ITGA8: variants seen among roughly 807,000 people sequenced by gnomAD.
The protein encoded by ITGA8 is integrin subunit alpha 8, also known as integrin alpha-8.
In ITGA8, 91 loss-of-function variants were observed where a neutral mutation model predicts 142.3. The ratio of observed to expected loss-of-function variants is 0.64; its 90% CI spans 0.54 to 0.76. The LOEUF (loss-of-function observed/expected upper bound fraction) is 0.76. Ranked by LOEUF, ITGA8 falls within the 30% of genes least tolerant of loss-of-function variation. The pLI is 0.00. For missense variants in ITGA8, 1,406 were observed against 1,327.7 expected (o/e 1.06, Z -0.92); for synonymous variants, 505 against 485.2 (o/e 1.04, Z -0.54).
chr10:15,586,722 A>C (rs375115538), intron 22 of ITGA8, 58 bp from the exon 23 acceptor site: 3 of 998,352 alleles, frequency 3.0e-6, no homozygotes, highest in Non-Finnish European at 4.8e-6. Context: ...ATTACAATAT[A>C]TGATCATAAA....
chr10:15,550,889 G>T (rs879682117), intron 26 of ITGA8, among the ~76,000 whole-genome samples: 3 of 152,050 alleles, frequency 2.0e-5, no homozygotes, highest in African/African-American at 7.3e-5. Flanking sequence ...ATAGGGGCCC[G>T]TTGCAAGAGC....
chr10:15,719,684 ACATCC>A lies in ITGA8; in HGVS notation c.83_87del (p.Gly28ValfsTer83), dbSNP rs1564424100. The A allele has an allele frequency of 6.7e-6, 10 of 1,484,244 alleles. No homozygotes were observed. Among genetic ancestry groups the A allele is most frequent in the Non-Finnish European group, 8.9e-6 (10 of 1,127,350 alleles). 91.9% of individuals were successfully genotyped at this position (1,484,244 alleles called of 1,614,324 possible). A position where few individuals can be genotyped will look rare whatever the true frequency, so the allele number is the denominator to read the frequency against. The stretch of plus-strand genomic sequence containing the variant: ...GCCTGACAGGCGGGGGACCACAGCA[ACATCC>A]CCAGCGCGGCCGCGGCGCAGCAGAG... On this transcript the variant is annotated frameshift_variant, in exon 1 of 30. Transcript: ENST00000378076. LOFTEE classifies it high-confidence loss of function.
intron 20 of ITGA8, among the ~76,000 whole-genome samples, chr10:15,603,590 A>T (rs1334056738): frequency 2.6e-5 from 4 of 152,230 alleles, no homozygotes; most frequent in Non-Finnish European, 5.9e-5. Flanking sequence ...TTGAATGGGA[A>T]GATTCATGTT....
rs1338607474 is a variant in ITGA8 at position 15,575,547 on chromosome 10, G to A, written c.2420C>T (p.Pro807Leu). The change falls in exon 24 of 30, where the codon CCA (proline) becomes CTA (leucine). Residue 807 changes from proline to leucine, a missense_variant. Transcript: ENST00000378076. Reference protein sequence around the residue: ...QIVLPIHNWEPEEEPHKEEEV... With the variant: ...QIVLPIHNWELEEEPHKEEEV... ...CTCCTCTTTGTGGGGCTCCTCTTCT[G>A]GTTCCCAGTTATGAATGGGCAGAAC... 1 of 1,613,894 alleles carries A rather than the reference G, an allele frequency of 6.2e-7. No homozygotes were observed. Among genetic ancestry groups the A allele is most frequent in the East Asian group, 2.2e-5 (1 of 44,892 alleles).
intron 23 of ITGA8, 61 bp from the exon 24 acceptor site, chr10:15,575,655 G>T (rs1267370033): frequency 3.1e-6 from 4 of 1,293,180 alleles, no homozygotes; most frequent in Non-Finnish European, 4.5e-6. Context: ...TGTTTTACTA[G>T]TGGACAGTAT....
rs1295137983 is a variant in ITGA8, at chr10:15,515,812, G to A, written c.*1346C>T. On this transcript the variant is annotated 3_prime_UTR_variant, in exon 30 of 30. Transcript: ENST00000378076. ...ACAAGATTATGAATTATTTACAAGA[G>A]TTTTAAACATAAAAAATTTGTGATG... 1 of 152,008 alleles carries A rather than the reference G, an allele frequency of 6.6e-6. No homozygotes were observed. Among genetic ancestry groups the A allele is most frequent in the Non-Finnish European group, 1.5e-5 (1 of 68,004 alleles). The allele number at this position is 152,008 out of a possible 1,614,324, so 9.4% of individuals were successfully genotyped here.
chr10:15,679,336 G>A (rs1262264956), intron 4 of ITGA8, among the ~76,000 whole-genome samples: 1 of 152,120 alleles, frequency 6.6e-6, no homozygotes, highest in East Asian at 1.9e-4. Context: ...TGTAATCCCA[G>A]CACTTTGGGA....
rs1163680612 is a variant in ITGA8, at chr10:15,616,498, A to G, written c.1445+16T>C. ...GAAACAATGAGAAAAACATTTGAATACTACCAACCACATACCTGTAAACAG... is the reference window on the plus strand; with the variant it reads ...GAAACAATGAGAAAAACATTTGAATGCTACCAACCACATACCTGTAAACAG... On this transcript the variant is annotated intron_variant, in intron 14 of 29. Coordinates refer to ENST00000378076, the MANE Select transcript of ITGA8 (RefSeq NM_003638.3). 2 of 1,588,062 alleles carry G rather than the reference A, an allele frequency of 1.3e-6. No individual in the cohort carries two copies. Among genetic ancestry groups the G allele is most frequent in the Non-Finnish European group, 1.7e-6 (2 of 1,157,572 alleles).
chr10:15,519,665 G>A lies in ITGA8; in HGVS notation c.2983-253C>T, dbSNP rs1035148549. 2.0e-5 allele frequency among the ~76,000 whole-genome samples: 3 copies of A among 152,076 alleles called. No individual in the cohort carries two copies. The East Asian group carries it at 5.8e-4, about 29-fold the overall frequency. ...GTGGCTTTGCATCACAGAAACCCTA[G>A]AATAGAATTGAGTGCATCAGGAATT... On this transcript the variant is annotated intron_variant, in intron 28 of 29. Transcript: ENST00000378076.
chr10:15,627,519 G>A (rs564896667), intron 13 of ITGA8, among the ~76,000 whole-genome samples: 1 of 152,126 alleles, frequency 6.6e-6, no homozygotes, highest in Non-Finnish European at 1.5e-5. Context: ...AATCTAAAAG[G>A]GTTGGCATAT....
intron 28 of ITGA8, among the ~76,000 whole-genome samples, chr10:15,522,439 C>T (rs1833089202): frequency 2.0e-5 from 3 of 152,108 alleles, no homozygotes; most frequent in Admixed American, 6.5e-5. Context: ...TGGACTCACA[C>T]AGTTTTGATA....
chr10:15,586,523 A>T, intron 23 of ITGA8, 61 bp downstream of exon 23: 1 of 938,814 alleles, frequency 1.1e-6, no homozygotes, highest in Non-Finnish European at 1.7e-6. Flanking sequence ...CATTTTCACT[A>T]GTATTTTATC....
chr10:15,566,192 T>C (rs2131576774), intron 25 of ITGA8, among the ~76,000 whole-genome samples: 1 of 152,254 alleles, frequency 6.6e-6, no homozygotes, highest in African/African-American at 2.4e-5. Context: ...TATCTGGTTG[T>C]AATTTGGACT....
intron 28 of ITGA8, among the ~76,000 whole-genome samples, chr10:15,521,831 A>G (rs1171795891): frequency 1.3e-5 from 2 of 152,224 alleles, no homozygotes; most frequent in Non-Finnish European, 2.9e-5. Context: ...GCTGCAGCCT[A>G]AGTAATTTAT....
At chr10:15,558,345 T>C in intron 25 of ITGA8, 143 bp from the exon 26 acceptor site, 1 of 882,970 alleles carries the variant, frequency 1.1e-6, no homozygotes, top group Non-Finnish European at 1.7e-6. Flanking sequence ...ACCAGCAGTG[T>C]GTTTAACAGT....
At chr10:15,645,332 T>G (rs1833960999) in intron 12 of ITGA8, among the ~76,000 whole-genome samples, 1 of 152,114 alleles carries the variant, frequency 6.6e-6, no homozygotes, top group South Asian at 2.1e-4. Flanking sequence ...TTATGTCATT[T>G]AGAATGCTTC....
chr10:15,562,180 G>C (rs1833996811), intron 25 of ITGA8, among the ~76,000 whole-genome samples: 1 of 152,210 alleles, frequency 6.6e-6, no homozygotes, highest in Non-Finnish European at 1.5e-5. Flanking sequence ...AGGGGTTTGG[G>C]ATGGGGAAAT....
At chr10:15,618,916 C>T (rs1415327214) in intron 13 of ITGA8, among the ~76,000 whole-genome samples, 1 of 152,170 alleles carries the variant, frequency 6.6e-6, no homozygotes, top group Non-Finnish European at 1.5e-5. Flanking sequence ...CTAGAGAACC[C>T]TGACTGATAC....
intron 26 of ITGA8, among the ~76,000 whole-genome samples, chr10:15,552,709 G>A (rs186112473): frequency 1.0e-3 from 157 of 152,152 alleles, no homozygotes; most frequent in Non-Finnish European, 1.8e-3. Context: ...GGCAGGCCCC[G>A]GTGTGTGATG....
Sources: gnomAD v4.1 joint callset for allele counts (sites outside exome capture counted in the v4.1 genomes callset) on GRCh38, gnomAD v4.1.1 for gene constraint, MANE v1.5 for transcripts, NCBI Gene and HGNC (gene_info 2026-07-23, HGNC 2026-07-21) for gene names.